The following LY86 variants were observed in gnomAD, a reference collection of about 807,000 sequenced individuals.
LY86 encodes lymphocyte antigen 86.
A neutral mutation model predicts 17.3 loss-of-function variants in LY86; 20 were observed. That is an observed-to-expected ratio of 1.15 (90% CI 0.81 to 1.68). The LOEUF is 1.68. Among genes scored for constraint, LY86 ranks in the 40% most tolerant of loss-of-function variants. The pLI, the probability that LY86 is intolerant of heterozygous loss-of-function variation, is 0.00. For synonymous variants in LY86, 74 were observed against 70.6 expected, an observed-to-expected ratio of 1.05 and a Z score of -0.24; for missense variants, 200 against 191.9, an observed-to-expected ratio of 1.04 and a Z score of -0.25.
intron 1 of LY86, among the ~76,000 whole-genome samples, chr6:6,613,154 C>T (rs1581241784): frequency 2.0e-5 from 3 of 152,368 alleles, no homozygotes; most frequent in South Asian, 4.1e-4. Flanking sequence ...TTTACAATCC[C>T]TTAGCTAGAC....
intron 1 of LY86, among the ~76,000 whole-genome samples, chr6:6,604,363 GA>G (rs544435139): frequency 4.3e-4 from 65 of 151,760 alleles, no homozygotes; most frequent in South Asian, 3.3e-3. Flanking sequence ...CAAAACATGA[GA>G]AAAAAATAGT....
intron 1 of LY86, among the ~76,000 whole-genome samples, chr6:6,590,822 A>G (rs1561772433): frequency 6.6e-6 from 1 of 152,164 alleles, no homozygotes; most frequent in Non-Finnish European, 1.5e-5. Context: ...TGATCCTACA[A>G]CTGCCACCCA....
At chr6:6,641,228 T>C (rs1233025993) in intron 3 of LY86, among the ~76,000 whole-genome samples, 1 of 152,222 alleles carries the variant, frequency 6.6e-6, no homozygotes, top group Non-Finnish European at 1.5e-5. Context: ...CAAACGGCCA[T>C]TTGACTTGCC....
chr6:6,592,839 C>T (rs571733593), intron 1 of LY86, among the ~76,000 whole-genome samples: 2 of 152,300 alleles, frequency 1.3e-5, no homozygotes, highest in South Asian at 2.1e-4. Flanking sequence ...TCAATGTTGG[C>T]TGTTTAAGCC....
intron 3 of LY86, among the ~76,000 whole-genome samples, chr6:6,639,448 A>G (rs1056849772): frequency 6.6e-5 from 10 of 152,218 alleles, no homozygotes; most frequent in African/African-American, 1.9e-4. Flanking sequence ...AGCCATTGAC[A>G]ACACCATCAA....
chr6:6,624,872 G>A (rs1761756336), intron 1 of LY86, 54 bp from the exon 2 acceptor site: 1 of 805,730 alleles, frequency 1.2e-6, no homozygotes, highest in Non-Finnish European at 2.1e-6. Flanking sequence ...TTTTGAATAT[G>A]TTTGCAAAAT....
chr6:6,627,185 T>C (rs1761804871), intron 3 of LY86, among the ~76,000 whole-genome samples: 2 of 152,158 alleles, frequency 1.3e-5, no homozygotes. Context: ...CTACTCCCAC[T>C]GGCCAAGGCA....
chr6:6,639,011 G>A (rs1031022057), intron 3 of LY86, among the ~76,000 whole-genome samples: 4 of 151,876 alleles, frequency 2.6e-5, no homozygotes, highest in Non-Finnish European at 4.4e-5. Flanking sequence ...CAATAGCAAA[G>A]ACTTGGAACC....
At chr6:6,614,034 AGTT>A (rs1259225192) in intron 1 of LY86, among the ~76,000 whole-genome samples, 2 of 152,230 alleles carry the variant, frequency 1.3e-5, no homozygotes, top group South Asian at 2.1e-4. Context: ...TAAAAGAATA[AGTT>A]GTTATTTACA....
chr6:6,630,741 A>G (rs1002996829), intron 3 of LY86, among the ~76,000 whole-genome samples: 1 of 152,204 alleles, frequency 6.6e-6, no homozygotes, highest in Non-Finnish European at 1.5e-5. Flanking sequence ...TTGGTCGCAC[A>G]TTAACTGCTC....
intron 3 of LY86, among the ~76,000 whole-genome samples, chr6:6,647,746 G>A (rs866013245): frequency 1.3e-5 from 2 of 152,118 alleles, no homozygotes; most frequent in Non-Finnish European, 2.9e-5. Flanking sequence ...AATGTTGGAG[G>A]GCCTCAGGAG....
chr6:6,628,797 T>C (rs769354200), intron 3 of LY86, among the ~76,000 whole-genome samples: 2 of 152,224 alleles, frequency 1.3e-5, no homozygotes, highest in African/African-American at 2.4e-5. Flanking sequence ...AAAGACACAA[T>C]AGATACTTGT....
chr6:6,607,907 TAAAAA>T (rs1761232667), intron 1 of LY86, among the ~76,000 whole-genome samples: 1 of 151,512 alleles, frequency 6.6e-6, no homozygotes, highest in African/African-American at 2.4e-5. Context: ...AAAATAAAAA[TAAAAA>T]TAAAAAAATA....
intron 1 of LY86, among the ~76,000 whole-genome samples, chr6:6,610,082 C>T (rs1049959960): frequency 2.0e-5 from 3 of 152,210 alleles, no homozygotes; most frequent in African/African-American, 7.2e-5. Flanking sequence ...CCACCACGCC[C>T]AGCCAGGATC....
intron 1 of LY86, among the ~76,000 whole-genome samples, chr6:6,613,593 C>A (rs1336028265): frequency 2.0e-5 from 3 of 152,220 alleles, no homozygotes; most frequent in Non-Finnish European, 4.4e-5. Flanking sequence ...GGCCCGCAAG[C>A]GCCGCGCGCC....
chr6:6,604,726 C>G (rs1005970603), intron 1 of LY86, among the ~76,000 whole-genome samples: 34 of 152,186 alleles, frequency 2.2e-4, no homozygotes, highest in African/African-American at 7.7e-4. Context: ...CATTGGGGGT[C>G]TCTCCACCAG....
intron 1 of LY86, among the ~76,000 whole-genome samples, chr6:6,604,972 T>C (rs896797488): frequency 6.6e-6 from 1 of 151,776 alleles, no homozygotes; most frequent in African/African-American, 2.4e-5. Context: ...ATATACAGTA[T>C]AGCTACAATT....
intron 1 of LY86, among the ~76,000 whole-genome samples, chr6:6,610,639 TA>T (rs3840173): frequency 0.066 from 10,099 of 152,168 alleles, 827 homozygotes; most frequent in African/African-American, 0.19. Context: ...CAGTCTGCCC[TA>T]AAATGGTCAA....
chr6:6,589,839 C>T (rs1383740657), intron 1 of LY86, among the ~76,000 whole-genome samples: 1 of 152,108 alleles, frequency 6.6e-6, no homozygotes, highest in Non-Finnish European at 1.5e-5. Flanking sequence ...ACCCTATCTC[C>T]AGCAGGGCAT....
Sources: gnomAD v4.1 joint callset for allele counts (sites outside exome capture counted in the v4.1 genomes callset) on GRCh38, gnomAD v4.1.1 for gene constraint, MANE v1.5 for transcripts, NCBI Gene and HGNC (gene_info 2026-07-23, HGNC 2026-07-21) for gene names.